The following MAP2 variants were observed in gnomAD, a reference collection of about 807,000 sequenced individuals.
MAP2 encodes the protein microtubule-associated protein 2.
Under a neutral mutation model 137.6 loss-of-function variants are expected in MAP2, and 14 were observed. The ratio of observed to expected loss-of-function variants is 0.10; its 90% CI spans 0.07 to 0.16. MAP2 has a LOEUF of 0.16. MAP2 is among the 10% of genes least tolerant of loss of function. The pLI is 1.00. For synonymous variants in MAP2, 786 were observed against 782.3 expected, an observed-to-expected ratio of 1.00 and a Z score of -0.08; for missense variants, 2,088 against 2,191.5, an observed-to-expected ratio of 0.95 and a Z score of 0.94.
intron 4 of MAP2, among the ~76,000 whole-genome samples, chr2:209,649,577 A>G (rs1365929111): frequency 6.6e-6 from 1 of 152,182 alleles, no homozygotes; most frequent in Non-Finnish European, 1.5e-5. Flanking sequence ...CTTTTGTTCA[A>G]TAAACTTTTC....
chr2:209,712,925 T>C (rs944770434), intron 13 of MAP2, among the ~76,000 whole-genome samples: 1 of 152,184 alleles, frequency 6.6e-6, no homozygotes, highest in Admixed American at 6.5e-5. Context: ...GTAAATTGAT[T>C]TTCCTAAGGC....
rs868845748 is a variant in MAP2 at position 209,692,808 on chromosome 2, T to C, written c.638T>C (p.Met213Thr). The C allele has an allele frequency of 1.9e-6, 3 of 1,613,430 alleles. No homozygotes were observed. The highest frequency in any genetic ancestry group is 2.7e-5 in the African/African-American group (2 of 74,860). ...AAAACTTACCCTGATAAAAAGGACA[T>C]GCAAGGCACGGAAGAAGAAAAAGCA... ...TTKTYPDKKDMQGTEEEKAPL... is the reference protein window; with the variant it reads ...TTKTYPDKKDTQGTEEEKAPL... Residue 213 changes from methionine (M) to threonine (T), a missense_variant, in exon 8 of 16, where the codon ATG becomes ACG. By Grantham distance (81) the Met-to-Thr change is moderately conservative. Around this residue, in one of 6 missense-constraint regions of MAP2, gnomAD observed 859 missense variants for 794.5 expected, o/e 1.08. Transcript: ENST00000682079.
chr2:209,692,063 T>C (rs576004927), intron 7 of MAP2, among the ~76,000 whole-genome samples: 2 of 152,328 alleles, frequency 1.3e-5, no homozygotes, highest in East Asian at 3.9e-4. Flanking sequence ...GCCCTGACAT[T>C]TGTTAATCAA....
At chr2:209,483,489 C>CT (rs2057982755) in intron 1 of MAP2, among the ~76,000 whole-genome samples, 1 of 152,276 alleles carries the variant, frequency 6.6e-6, no homozygotes, top group Non-Finnish European at 1.5e-5. Flanking sequence ...CTGGAGGATC[C>CT]TTTGAGACTA....
At chr2:209,474,404 A>G (rs1177081378) in intron 1 of MAP2, among the ~76,000 whole-genome samples, 2 of 152,126 alleles carry the variant, frequency 1.3e-5, no homozygotes, top group African/African-American at 2.4e-5. Flanking sequence ...GAAGGCAGTT[A>G]TATCGCTGTT....
intron 2 of MAP2, among the ~76,000 whole-genome samples, chr2:209,576,887 GA>G (rs879703827): frequency 2.6e-5 from 4 of 151,954 alleles, no homozygotes; most frequent in Admixed American, 1.3e-4. Context: ...AAACAATTGG[GA>G]AAAAAAGAAA....
At chr2:209,619,264 CAG>C (rs1406426182) in intron 3 of MAP2, among the ~76,000 whole-genome samples, 1 of 152,016 alleles carries the variant, frequency 6.6e-6, no homozygotes, top group East Asian at 1.9e-4. Context: ...AAAATGTTAA[CAG>C]AATAGATTGT....
At chr2:209,488,598 G>C (rs955649126) in intron 1 of MAP2, among the ~76,000 whole-genome samples, 2 of 152,078 alleles carry the variant, frequency 1.3e-5, no homozygotes, top group African/African-American at 2.4e-5. Flanking sequence ...CGAGCTTGGT[G>C]GGGGGAGGGG....
intron 13 of MAP2, among the ~76,000 whole-genome samples, chr2:209,720,353 A>G (rs1284390712): frequency 6.6e-6 from 1 of 152,154 alleles, no homozygotes; most frequent in Non-Finnish European, 1.5e-5. Context: ...TTTTACTTGA[A>G]ATAGGCCGGG....
At chr2:209,556,048 T>C (rs1403254397) in intron 2 of MAP2, among the ~76,000 whole-genome samples, 1 of 148,810 alleles carries the variant, frequency 6.7e-6, no homozygotes, top group African/African-American at 2.5e-5. Context: ...TTTTCTTTTT[T>C]TTTTTTTTTT....
At chr2:209,584,502 T>C (rs779699976) in intron 3 of MAP2, among the ~76,000 whole-genome samples, 2 of 152,200 alleles carry the variant, frequency 1.3e-5, no homozygotes, top group Non-Finnish European at 2.9e-5. Flanking sequence ...TTCAACTTAA[T>C]ACATTGGGAG....
intron 1 of MAP2, among the ~76,000 whole-genome samples, chr2:209,502,989 GA>G (rs2060565759): frequency 7.2e-6 from 1 of 138,050 alleles, no homozygotes; most frequent in Non-Finnish European, 1.6e-5. Context: ...ATATATTTCG[GA>G]TTTTTTTTCT....
intron 3 of MAP2, among the ~76,000 whole-genome samples, chr2:209,606,075 TG>T (rs34284009): frequency 2.0e-4 from 31 of 151,688 alleles, no homozygotes; most frequent in East Asian, 1.2e-3. Flanking sequence ...CACGTTATGA[TG>T]GGGGGGGTGT....
intron 5 of MAP2, among the ~76,000 whole-genome samples, chr2:209,661,843 T>G (rs979715858): frequency 2.0e-5 from 3 of 152,156 alleles, no homozygotes; most frequent in Admixed American, 2.0e-4. Flanking sequence ...GAATTGTGTC[T>G]TTTATTCTTG....
intron 4 of MAP2, among the ~76,000 whole-genome samples, chr2:209,649,199 A>G (rs940503550): frequency 2.8e-5 from 4 of 142,902 alleles, no homozygotes; most frequent in Non-Finnish European, 6.0e-5. Flanking sequence ...ATTTTTTTGT[A>G]GAGATGGGGG....
intron 3 of MAP2, among the ~76,000 whole-genome samples, chr2:209,623,176 C>A (rs1235128819): frequency 6.6e-6 from 1 of 152,002 alleles, no homozygotes; most frequent in Non-Finnish European, 1.5e-5. Context: ...GCTTTGCAGG[C>A]CATATAGTCT....
intron 14 of MAP2, among the ~76,000 whole-genome samples, chr2:209,727,244 T>A (rs2153815131): frequency 6.6e-6 from 1 of 152,344 alleles, no homozygotes; most frequent in African/African-American, 2.4e-5. Context: ...ATACTTCATA[T>A]CTTTGAAATT....
intron 5 of MAP2, among the ~76,000 whole-genome samples, chr2:209,663,658 A>T (rs1180914543): frequency 2.0e-5 from 3 of 152,204 alleles, no homozygotes; most frequent in African/African-American, 7.2e-5. Flanking sequence ...GAAAGGAGGA[A>T]TCAAGATTCA....
chr2:209,602,368 C>T (rs1442100254), intron 3 of MAP2, among the ~76,000 whole-genome samples: 1 of 152,116 alleles, frequency 6.6e-6, no homozygotes, highest in Non-Finnish European at 1.5e-5. Flanking sequence ...TACTTGGCTA[C>T]CCATCCAGTC....
Sources: gnomAD v4.1 joint callset for allele counts (sites outside exome capture counted in the v4.1 genomes callset) on GRCh38, gnomAD v4.1.1 for gene constraint, gnomAD v4.1.1 regional missense constraint, MANE v1.5 for transcripts, NCBI Gene and HGNC (gene_info 2026-07-23, HGNC 2026-07-21) for gene names.